Variants in AKAP6 observed in about 807,000 individuals in gnomAD.
The protein encoded by AKAP6 is A-kinase anchor protein 6.
In AKAP6, 58 loss-of-function variants were observed where a neutral mutation model predicts 188.5. The ratio of observed to expected loss-of-function variants is 0.31; its 90% CI spans 0.25 to 0.38. The LOEUF (loss-of-function observed/expected upper bound fraction) is 0.38. Among genes scored for constraint, AKAP6 ranks in the 10% least tolerant of loss-of-function variants. AKAP6 has a pLI of 1.00. For synonymous variants in AKAP6, 989 were observed against 998.6 expected (o/e 0.99, Z 0.18); for missense variants, 2,710 against 2,740.0 (o/e 0.99, Z 0.24).
At chr14:32,782,117 A>G (rs1404584020) in intron 12 of AKAP6, among the ~76,000 whole-genome samples, 2 of 146,976 alleles carry the variant, frequency 1.4e-5, no homozygotes, top group African/African-American at 5.0e-5. Flanking sequence ...GTGAGCCGAG[A>G]TCACGCCACT....
At chr14:32,507,169 G>A (rs1382718662) in intron 2 of AKAP6, among the ~76,000 whole-genome samples, 2 of 152,098 alleles carry the variant, frequency 1.3e-5, no homozygotes, top group Non-Finnish European at 2.9e-5. Flanking sequence ...ATTTGTCAGT[G>A]ATATTAGTCA....
At chr14:32,361,637 A>G (rs1215402405) in intron 1 of AKAP6, among the ~76,000 whole-genome samples, 1 of 152,186 alleles carries the variant, frequency 6.6e-6, no homozygotes, top group African/African-American at 2.4e-5. Context: ...GGATATTTCT[A>G]CCTGCAGTTA....
Position 32,732,454 on chromosome 14 carries a change from C to T in AKAP6, c.3001C>T (p.Arg1001Ter), listed in dbSNP as rs1224370847. The change falls in exon 10 of 14, where the codon CGA becomes TGA. Residue 1001 changes from arginine to a stop codon, truncating the protein, a stop_gained and splice_region_variant. Transcript: ENST00000280979. LOFTEE classifies it high-confidence loss of function. The part of the protein sequence containing the change: ...SEEQQQHLYK[R>*]YSVEMSIRHL... ...ATCTCTTTTTCTCTTTTCATTTTAG[C>T]GATACAGTGTGGAAATGTCCATCAG... is the stretch of plus-strand genomic sequence containing the variant. The T allele has an allele frequency of 6.2e-7, 1 of 1,610,946 alleles. No homozygotes were observed. Among genetic ancestry groups the T allele is most frequent in the Non-Finnish European group, 8.5e-7 (1 of 1,178,712 alleles).
At chr14:32,699,556 A>G (rs955638129) in intron 9 of AKAP6, among the ~76,000 whole-genome samples, 8 of 152,298 alleles carry the variant, frequency 5.3e-5, no homozygotes, top group African/African-American at 1.9e-4. Context: ...CCTAATTCCT[A>G]TTAAAAACTA....
chr14:32,772,952 A>G (rs577456315), intron 11 of AKAP6, among the ~76,000 whole-genome samples: 296 of 152,314 alleles, frequency 1.9e-3, no homozygotes, highest in Admixed American at 4.0e-3. Flanking sequence ...TTTTGCTTGA[A>G]TCATTCAGTT....
rs761942774 is a variant in AKAP6, at chr14:32,545,559, C to A, written c.906C>A (p.Asp302Glu). The change falls in exon 4 of 14, where the codon GAC becomes GAA. Residue 302 changes from aspartate (D) to glutamate (E), a missense_variant. Asp to Glu is a conservative substitution (Grantham distance 45, BLOSUM62 2). Coordinates refer to ENST00000280979, the MANE Select transcript of AKAP6 (RefSeq NM_004274.5). ...TATCTCAAGTATCTCTCTCAGTAGA[C>A]GACAAAGGTGGATGTGAGGAAGACA... ...EEVSQVSLSV[D>E]DKGGCEEDNA... 2 of 1,614,022 alleles carry A rather than the reference C, an allele frequency of 1.2e-6. No individual in the cohort carries two copies. Among genetic ancestry groups the A allele is most frequent in the East Asian group, 2.2e-5 (1 of 44,892 alleles).
chr14:32,701,041 C>G (rs116500992), intron 9 of AKAP6, among the ~76,000 whole-genome samples: 1 of 152,094 alleles, frequency 6.6e-6, no homozygotes, highest in African/African-American at 2.4e-5. Context: ...AGGTTAGTTA[C>G]TCATATGGCT....
intron 12 of AKAP6, among the ~76,000 whole-genome samples, chr14:32,786,676 A>G (rs1233069056): frequency 2.0e-5 from 3 of 151,826 alleles, no homozygotes; most frequent in Non-Finnish European, 4.4e-5. Context: ...CTGTTTTCTT[A>G]CCTCTCTAAC....
chr14:32,390,047 A>G (rs1465566247), intron 1 of AKAP6, among the ~76,000 whole-genome samples: 2 of 151,854 alleles, frequency 1.3e-5, no homozygotes, highest in Non-Finnish European at 2.9e-5. Context: ...ATATTTTCTT[A>G]TTCTTTTTTC....
At chr14:32,720,349 G>A (rs927129652) in intron 9 of AKAP6, among the ~76,000 whole-genome samples, 3 of 152,168 alleles carry the variant, frequency 2.0e-5, no homozygotes, top group Non-Finnish European at 4.4e-5. Flanking sequence ...AATATTTATG[G>A]TTTTAGTAGC....
intron 1 of AKAP6, among the ~76,000 whole-genome samples, chr14:32,428,167 T>G (rs1890096083): frequency 6.6e-6 from 1 of 151,838 alleles, no homozygotes. Flanking sequence ...ATTGCTGGGG[T>G]TTTTGAGAGT....
chr14:32,750,242 G>T (rs1222931887), intron 11 of AKAP6, among the ~76,000 whole-genome samples: 1 of 152,008 alleles, frequency 6.6e-6, no homozygotes, highest in East Asian at 1.9e-4. Context: ...TGCCAAGATT[G>T]AATCAGATGC....
chr14:32,660,007 T>A (rs72667998), intron 7 of AKAP6, among the ~76,000 whole-genome samples: 40,542 of 151,004 alleles, frequency 0.27, 5,841 homozygotes, highest in Middle Eastern at 0.38. Flanking sequence ...TTAAAAAAAA[T>A]ATATATATAA....
chr14:32,713,075 T>C (rs562442580), intron 9 of AKAP6, among the ~76,000 whole-genome samples: 5 of 152,208 alleles, frequency 3.3e-5, no homozygotes, highest in East Asian at 3.9e-4. Context: ...GTTGTGTTAA[T>C]AGGCATGAAA....
At chr14:32,550,149 G>A (rs1883389748) in intron 4 of AKAP6, among the ~76,000 whole-genome samples, 1 of 152,212 alleles carries the variant, frequency 6.6e-6, no homozygotes, top group Non-Finnish European at 1.5e-5. Flanking sequence ...TTAACCCGAT[G>A]ATGACTATGA....
chr14:32,385,778 T>C (rs888849934), intron 1 of AKAP6, among the ~76,000 whole-genome samples: 1 of 151,300 alleles, frequency 6.6e-6, no homozygotes, highest in Non-Finnish European at 1.5e-5. Flanking sequence ...ATCATATATA[T>C]ATGAGATATA....
chr14:32,645,725 C>A (rs181055872), intron 7 of AKAP6, among the ~76,000 whole-genome samples: 4 of 152,264 alleles, frequency 2.6e-5, no homozygotes, highest in African/African-American at 9.6e-5. Context: ...ATAAAGGAGG[C>A]AGACACTGTT....
intron 3 of AKAP6, 150 bp from the exon 4 acceptor site, chr14:32,545,079 AT>A: frequency 4.3e-6 from 3 of 690,014 alleles, no homozygotes. Flanking sequence ...GTGGTAATTG[AT>A]TAATATCCCT....
At chr14:32,611,142 G>A (rs1392555152) in intron 7 of AKAP6, among the ~76,000 whole-genome samples, 1 of 152,106 alleles carries the variant, frequency 6.6e-6, no homozygotes, top group African/African-American at 2.4e-5. Flanking sequence ...GGTATCTAGG[G>A]GATGGAGCCT....
Sources: gnomAD v4.1 joint callset for allele counts (sites outside exome capture counted in the v4.1 genomes callset) on GRCh38, gnomAD v4.1.1 for gene constraint, MANE v1.5 for transcripts, NCBI Gene and HGNC (gene_info 2026-07-23, HGNC 2026-07-21) for gene names.